Variants in GOLGA4 observed in about 807,000 individuals in gnomAD.
The protein encoded by GOLGA4 is golgin subfamily A member 4.
GOLGA4 carries 169 observed loss-of-function variants against 265.9 expected under a neutral mutation model. That is an observed-to-expected ratio of 0.64 (90% CI 0.56 to 0.72). GOLGA4 has a LOEUF of 0.72. GOLGA4 is among the 30% of genes least tolerant of loss of function. GOLGA4 has a pLI of 0.00. For synonymous variants in GOLGA4, 923 were observed against 855.8 expected (o/e 1.08, Z -1.37); for missense variants, 2,482 against 2,483.4 (o/e 1.00, Z 0.01).
intron 22 of GOLGA4, 67 bp from the exon 23 acceptor site, chr3:37,361,176 A>G (rs1370993870): frequency 1.7e-6 from 2 of 1,171,912 alleles, no homozygotes; most frequent in African/African-American, 1.5e-5. Context: ...ATATACACAT[A>G]CAATCTATGT....
At position 37,324,666 on chromosome 3, in the gene GOLGA4, T is replaced by TCA; in HGVS notation, c.2785_2786dup (p.Gln929HisfsTer14). On this transcript the variant is annotated frameshift_variant, in exon 14 of 24. Transcript: ENST00000361924. LOFTEE classifies it high-confidence loss of function. ...GGACAGAAGAAAGAAATTGAGATAC[T>TCA]CACACAGAAATTGTCAGCCAAGGAG... The TCA allele has an allele frequency of 6.2e-7, 1 of 1,612,182 alleles. No homozygotes were observed. Among genetic ancestry groups the TCA allele is most frequent in the Non-Finnish European group, 8.5e-7 (1 of 1,179,220 alleles).
chr3:37,353,672 T>A (rs894744579), intron 21 of GOLGA4, among the ~76,000 whole-genome samples: 1 of 152,060 alleles, frequency 6.6e-6, no homozygotes, highest in Non-Finnish European at 1.5e-5. Context: ...TAGCTTGTAA[T>A]ACAGACATGA....
intron 1 of GOLGA4, among the ~76,000 whole-genome samples, chr3:37,247,848 T>A (rs1030179810): frequency 1.2e-4 from 18 of 152,306 alleles, no homozygotes; most frequent in African/African-American, 3.1e-4. Flanking sequence ...TACCAGCAGC[T>A]CCTTGCCACG....
At chr3:37,254,396 A>G (rs1420999522) in intron 2 of GOLGA4, among the ~76,000 whole-genome samples, 2 of 152,122 alleles carry the variant, frequency 1.3e-5, no homozygotes, top group East Asian at 1.9e-4. Flanking sequence ...CAAAAACTGT[A>G]CTATGTACCT....
intron 2 of GOLGA4, among the ~76,000 whole-genome samples, chr3:37,254,289 C>T (rs1045998436): frequency 2.0e-5 from 3 of 152,012 alleles, no homozygotes; most frequent in African/African-American, 7.2e-5. Context: ...AATAAGATCT[C>T]AGGAAACTGT....
At chr3:37,319,418 A>T (rs1280752709) in intron 12 of GOLGA4, 1 of 282,178 alleles carries the variant, frequency 3.5e-6, no homozygotes, top group Non-Finnish European at 6.9e-6. Flanking sequence ...TTTATGAGAG[A>T]GAGTCTCGCT....
chr3:37,321,652 G>A, intron 12 of GOLGA4, 79 bp from the exon 13 acceptor site: 3 of 1,285,102 alleles, frequency 2.3e-6, no homozygotes, highest in Non-Finnish European at 1.1e-6. Context: ...CAAAAGAAAT[G>A]AATGATTCCT....
chr3:37,286,149 T>C lies in GOLGA4; in HGVS notation c.525+88T>C, dbSNP rs952931901. 1.1e-5 allele frequency: 7 copies of C among 646,112 alleles called. 1 individual carries two copies. The highest frequency in any genetic ancestry group is 4.3e-4 in the Middle Eastern group (1 of 2,316). 40.0% of individuals were successfully genotyped at this position (646,112 alleles called of 1,614,324 possible). Reference sequence around the variant, plus strand: ...TAAGATATTTCTTTCTTTTTTTTTTTTTTTTTTTTTTTTTTGAGACGGAGT... The same window carrying C: ...TAAGATATTTCTTTCTTTTTTTTTTCTTTTTTTTTTTTTTTGAGACGGAGT... On this transcript the variant is annotated intron_variant, in intron 4 of 23. Coordinates refer to ENST00000361924, the MANE Select transcript of GOLGA4 (RefSeq NM_002078.5).
intron 20 of GOLGA4, 55 bp from the exon 21 acceptor site, chr3:37,347,138 T>G: frequency 3.0e-6 from 3 of 987,802 alleles, no homozygotes; most frequent in East Asian, 4.8e-5. Flanking sequence ...TTATAAGTAA[T>G]AAGTAGTTTA....
chr3:37,285,847 A>G lies in GOLGA4; in HGVS notation c.478-167A>G, dbSNP rs550731080. Among the ~76,000 whole-genome samples the G allele has an allele frequency of 2.6e-5, 4 of 152,348 alleles. No individual in the cohort carries two copies. The East Asian group carries it at 5.8e-4, about 22-fold the overall frequency. Reference sequence around the variant, plus strand: ...GTCAAATTTACATTTTATTTTTTAGAAATGTATGTCCTATGTTAGTTTTGA... The same window carrying G: ...GTCAAATTTACATTTTATTTTTTAGGAATGTATGTCCTATGTTAGTTTTGA... On this transcript the variant is annotated intron_variant, in intron 3 of 23. Transcript: ENST00000361924.
Position 37,335,143 on chromosome 3 carries a change from G to C in GOLGA4, c.6283G>C (p.Glu2095Gln). 6.3e-6 allele frequency: 10 copies of C among 1,594,838 alleles called. No individual in the cohort carries two copies. The highest frequency in any genetic ancestry group is 7.7e-6 in the Non-Finnish European group (9 of 1,165,118). Residue 2095 changes from glutamate to glutamine, a missense_variant, in exon 17 of 24, where the codon GAG becomes CAG. Transcript: ENST00000361924. The stretch of plus-strand genomic sequence containing the variant: ...GAAATACCAGCAAAAGCTAGAGCAG[G>C]AGGAGAACCCTGGCAATGATAATGT... ...QKKYQQKLEQ[E>Q]ENPGNDNVTI...
chr3:37,278,750 C>CA (rs2096826318), intron 2 of GOLGA4, among the ~76,000 whole-genome samples: 1 of 151,288 alleles, frequency 6.6e-6, no homozygotes, highest in Non-Finnish European at 1.5e-5. Context: ...ATATATGAAA[C>CA]ATTTTACATA....
At chr3:37,245,061 A>G (rs962446315) in intron 1 of GOLGA4, among the ~76,000 whole-genome samples, 2 of 152,226 alleles carry the variant, frequency 1.3e-5, no homozygotes, top group African/African-American at 4.8e-5. Flanking sequence ...ATTTAGCTCT[A>G]TGGATTTTCA....
chr3:37,318,595 T>C (rs556865332), intron 11 of GOLGA4, among the ~76,000 whole-genome samples: 11 of 152,198 alleles, frequency 7.2e-5, no homozygotes, highest in Admixed American at 2.0e-4. Context: ...TTTAGATTTA[T>C]ATAATGAGAT....
At chr3:37,262,369 G>A (rs1266212408) in intron 2 of GOLGA4, among the ~76,000 whole-genome samples, 3 of 151,968 alleles carry the variant, frequency 2.0e-5, no homozygotes, top group Non-Finnish European at 4.4e-5. Flanking sequence ...AGCTGGGTGT[G>A]GTGGCACATA....
Position 37,312,678 on chromosome 3 carries a change from G to A in GOLGA4, c.1235-2742G>A, listed in dbSNP as rs185563102. 4.6e-5 allele frequency among the ~76,000 whole-genome samples: 7 copies of A among 151,782 alleles called. No individual in the cohort carries two copies. In the South Asian group the frequency reaches 8.3e-4, roughly 18 times the overall value. ...AGCTCAGACTACAGGTACAAGCCAC[G>A]GCTCCTGGCTAATTTTTAATTTTTT... On this transcript the variant is annotated intron_variant, in intron 10 of 23. Coordinates refer to ENST00000361924, the MANE Select transcript of GOLGA4 (RefSeq NM_002078.5).
chr3:37,276,062 G>C (rs2096817232), intron 2 of GOLGA4: 6 of 1,612,428 alleles, frequency 3.7e-6, no homozygotes, highest in Non-Finnish European at 5.1e-6. Context: ...AAATGCTCGA[G>C]ATACTTATGT....
At chr3:37,279,991 C>T (rs77896226) in intron 2 of GOLGA4, among the ~76,000 whole-genome samples, 4,149 of 152,058 alleles carry the variant, frequency 0.027, 143 homozygotes, top group African/African-American at 0.082. Context: ...TCAATTGCTT[C>T]CGGTGTTTCT....
intron 9 of GOLGA4, among the ~76,000 whole-genome samples, 160 bp downstream of exon 9, chr3:37,299,531 A>G (rs1037321107): frequency 6.6e-6 from 1 of 152,202 alleles, no homozygotes; most frequent in African/African-American, 2.4e-5. Context: ...AACTACTAGC[A>G]TTAGTTTTGT....
Sources: gnomAD v4.1 joint callset for allele counts (sites outside exome capture counted in the v4.1 genomes callset) on GRCh38, gnomAD v4.1.1 for gene constraint, MANE v1.5 for transcripts, NCBI Gene and HGNC (gene_info 2026-07-23, HGNC 2026-07-21) for gene names.